The following STK39 variants were observed in gnomAD, a reference collection of about 807,000 sequenced individuals.
STK39 encodes STE20/SPS1-related proline-alanine-rich protein kinase.
Under a neutral mutation model 77.8 loss-of-function variants are expected in STK39, and 20 were observed. The observed-to-expected ratio is 0.26, with a 90% CI of 0.18 to 0.37. The LOEUF (loss-of-function observed/expected upper bound fraction) is 0.37, where lower values mean the gene tolerates loss of function less well. Among genes scored for constraint, STK39 ranks in the 10% least tolerant of loss-of-function variants. The probability of loss-of-function intolerance (pLI) is 1.00; values close to 1 mark genes in which losing one functional copy is unlikely to be tolerated. For missense variants in STK39, 479 were observed against 656.5 expected (o/e 0.73, Z 2.95); for synonymous variants, 246 against 234.1 (o/e 1.05, Z -0.47).
At position 168,163,833 on chromosome 2, in the gene STK39, T is replaced by G; in HGVS notation, c.478A>C (p.Lys160Gln). 1 of 1,614,032 alleles carries G rather than the reference T, an allele frequency of 6.2e-7. No homozygotes were observed. The highest frequency in any genetic ancestry group is 8.5e-7 in the Non-Finnish European group (1 of 1,179,948). ...ATTGCCTCTTCCAGAACTCCATTCTTGTGTTCTCCTCGGTTGACAATGTAT... is the reference window on the plus strand; with the variant it reads ...ATTGCCTCTTCCAGAACTCCATTCTGGTGTTCTCCTCGGTTGACAATGTAT... ...IKYIVNRGEH[K>Q]NGVLEEAIIA... The change falls in exon 4 of 18, where the codon AAG becomes CAG. Residue 160 changes from lysine (K) to glutamine (Q), a missense_variant. Around this residue, in one of 3 missense-constraint regions of STK39, gnomAD observed 139 missense variants for 280.6 expected, o/e 0.50. Coordinates refer to ENST00000355999, the MANE Select transcript of STK39 (RefSeq NM_013233.3).
chr2:168,062,018 A>G (rs1355336906), intron 14 of STK39, among the ~76,000 whole-genome samples: 1 of 152,212 alleles, frequency 6.6e-6, no homozygotes, highest in Non-Finnish European at 1.5e-5. Flanking sequence ...GCTTTTATTT[A>G]GTATTAAAGG....
chr2:168,148,218 C>A (rs945680226), intron 5 of STK39, among the ~76,000 whole-genome samples: 1 of 152,158 alleles, frequency 6.6e-6, no homozygotes, highest in Non-Finnish European at 1.5e-5. Flanking sequence ...TTAAATCCAG[C>A]CTTTGGATAC....
chr2:168,227,759 G>A (rs899619773), intron 1 of STK39, among the ~76,000 whole-genome samples: 8 of 152,232 alleles, frequency 5.3e-5, no homozygotes, highest in Middle Eastern at 3.4e-3. Flanking sequence ...CCAGGTTCAC[G>A]CCATTCTCCT....
At chr2:168,143,823 C>CCA (rs1451625734) in intron 5 of STK39, among the ~76,000 whole-genome samples, 1 of 152,180 alleles carries the variant, frequency 6.6e-6, no homozygotes, top group African/African-American at 2.4e-5. Context: ...ACAGTAAGCT[C>CCA]CAGCCTACTG....
intron 8 of STK39, among the ~76,000 whole-genome samples, chr2:168,134,619 G>A (rs1574492317): frequency 6.6e-6 from 1 of 151,996 alleles, no homozygotes; most frequent in South Asian, 2.1e-4. Context: ...AGATGTTCTG[G>A]TATGCAAATA....
intron 10 of STK39, among the ~76,000 whole-genome samples, chr2:168,079,769 T>C (rs141963280): frequency 5.3e-5 from 8 of 152,362 alleles, no homozygotes; most frequent in Admixed American, 3.3e-4. Flanking sequence ...ATTGCCAGCC[T>C]AGCCCCTTGC....
intron 5 of STK39, among the ~76,000 whole-genome samples, chr2:168,147,149 C>G (rs1459997326): frequency 6.6e-6 from 1 of 152,194 alleles, no homozygotes; most frequent in African/African-American, 2.4e-5. Context: ...TTACCCAACA[C>G]AGAAAAACTG....
intron 1 of STK39, among the ~76,000 whole-genome samples, chr2:168,193,746 G>A (rs888661072): frequency 3.3e-5 from 5 of 152,202 alleles, no homozygotes; most frequent in African/African-American, 1.2e-4. Flanking sequence ...GGGTCACCTG[G>A]GTGTGCTGTG....
intron 10 of STK39, among the ~76,000 whole-genome samples, chr2:168,122,138 A>G (rs1006011842): frequency 6.6e-6 from 1 of 152,162 alleles, no homozygotes; most frequent in African/African-American, 2.4e-5. Context: ...CACCCAGGTA[A>G]TAAGTGTGGT....
chr2:168,078,445 C>T (rs1051760988), intron 10 of STK39, among the ~76,000 whole-genome samples: 5 of 152,108 alleles, frequency 3.3e-5, no homozygotes, highest in African/African-American at 7.2e-5. Context: ...GTCCCTAGAG[C>T]GGTCTGACCT....
chr2:168,230,932 G>A (rs557984191), intron 1 of STK39, among the ~76,000 whole-genome samples: 11 of 152,136 alleles, frequency 7.2e-5, no homozygotes, highest in East Asian at 3.9e-4. Context: ...GAATGAGCCC[G>A]TCCATTTTCT....
At chr2:167,993,959 T>C (rs912859907) in intron 16 of STK39, among the ~76,000 whole-genome samples, 6 of 152,196 alleles carry the variant, frequency 3.9e-5, no homozygotes, top group African/African-American at 1.4e-4. Flanking sequence ...TAAGGGCAAA[T>C]GGAGCAATTT....
chr2:168,092,786 C>T (rs778839089), intron 10 of STK39, among the ~76,000 whole-genome samples: 1 of 152,014 alleles, frequency 6.6e-6, no homozygotes, highest in African/African-American at 2.4e-5. Context: ...TACCTAATCC[C>T]AATAAGAGTC....
chr2:167,999,008 G>A (rs1322143702), intron 16 of STK39, among the ~76,000 whole-genome samples: 1 of 152,148 alleles, frequency 6.6e-6, no homozygotes, highest in Non-Finnish European at 1.5e-5. Context: ...GGACCCAATC[G>A]AGTTGAAACA....
chr2:167,966,856 G>C (rs1230752834), intron 16 of STK39, among the ~76,000 whole-genome samples: 1 of 152,176 alleles, frequency 6.6e-6, no homozygotes, highest in Admixed American at 6.5e-5. Flanking sequence ...CAATTTGGTT[G>C]ATTCTAATTT....
At chr2:168,065,910 T>C (rs1351561405) in intron 12 of STK39, among the ~76,000 whole-genome samples, 1 of 152,182 alleles carries the variant, frequency 6.6e-6, no homozygotes, top group Admixed American at 6.5e-5. Flanking sequence ...TGATAGGTTA[T>C]ACTCCTCTCT....
intron 16 of STK39, among the ~76,000 whole-genome samples, chr2:167,998,199 C>T (rs557519460): frequency 6.6e-6 from 1 of 152,356 alleles, no homozygotes; most frequent in South Asian, 2.1e-4. Flanking sequence ...TGTGGGAAAA[C>T]ACTGCCCCAG....
At chr2:168,067,547 T>C (rs1685827898) in intron 12 of STK39, among the ~76,000 whole-genome samples, 1 of 152,026 alleles carries the variant, frequency 6.6e-6, no homozygotes, top group Non-Finnish European at 1.5e-5. Context: ...GAGTCAATTA[T>C]ATCTCTTTTT....
At chr2:168,223,310 GAC>G (rs889017587) in intron 1 of STK39, among the ~76,000 whole-genome samples, 13 of 152,194 alleles carry the variant, frequency 8.5e-5, no homozygotes, top group African/African-American at 3.1e-4. Flanking sequence ...AGGAGTTCAA[GAC>G]CAGCCTGGCC....
Sources: gnomAD v4.1 joint callset for allele counts (sites outside exome capture counted in the v4.1 genomes callset) on GRCh38, gnomAD v4.1.1 for gene constraint, gnomAD v4.1.1 regional missense constraint, MANE v1.5 for transcripts, NCBI Gene and HGNC (gene_info 2026-07-23, HGNC 2026-07-21) for gene names.